UBE2D3: variants seen among roughly 807,000 people sequenced by gnomAD.
The protein encoded by UBE2D3 is ubiquitin-conjugating enzyme E2 D3.
In UBE2D3, 2 loss-of-function variants were observed where a neutral mutation model predicts 22.8. The ratio of observed to expected loss-of-function variants is 0.09; its 90% CI spans 0.04 to 0.28. The LOEUF (loss-of-function observed/expected upper bound fraction) is 0.28, where lower values mean the gene tolerates loss of function less well. UBE2D3 is among the 10% of genes least tolerant of loss of function. The pLI, the probability that UBE2D3 is intolerant of heterozygous loss-of-function variation, is 1.00. For missense variants in UBE2D3, 27 were observed against 182.5 expected (o/e 0.15, Z 4.91); for synonymous variants, 56 against 60.4 (o/e 0.93, Z 0.34).
Position 102,859,395 on chromosome 4 carries a change from T to G in UBE2D3, c.-129+9320A>C, listed in dbSNP as rs546457502. Among the ~76,000 whole-genome samples the G allele has an allele frequency of 5.6e-4, 85 of 152,096 alleles. 3 individuals are homozygous for G. In the South Asian group the frequency reaches 0.016, roughly 29 times the overall value. On this transcript the variant is annotated intron_variant, in intron 1 of 7. Transcript: ENST00000338145. ...GTGTCTCAGTGAAAAAATTTTCATA[T>G]CAGACAGGTAATGTGCCAGTGTTTT...
chr4:102,848,400 T>A (rs990501308), intron 1 of UBE2D3, among the ~76,000 whole-genome samples: 1 of 152,058 alleles, frequency 6.6e-6, no homozygotes, highest in African/African-American at 2.4e-5. Flanking sequence ...ATCCTAGCAC[T>A]TTGGGAGGCC....
Position 102,797,208 on chromosome 4 carries a change from G to C in UBE2D3, c.*207C>G. On this transcript the variant is annotated 3_prime_UTR_variant, in exon 8 of 8. Coordinates refer to ENST00000453744, the MANE Select transcript of UBE2D3 (RefSeq NM_181891.3). ...ACTGTTCTCTTGTAACTACTTTACA[G>C]TTTCTAAAAGCAGTTATTGTCCAAA... 4.4e-6 allele frequency: 2 copies of C among 452,064 alleles called. No homozygotes were observed. The highest frequency in any genetic ancestry group is 7.9e-6 in the Non-Finnish European group (2 of 252,270). The allele number at this position is 452,064 out of a possible 1,614,324, so 28.0% of individuals were successfully genotyped here.
At chr4:102,822,779 C>CA (rs1267073055) in intron 2 of UBE2D3, among the ~76,000 whole-genome samples, 1 of 152,106 alleles carries the variant, frequency 6.6e-6, no homozygotes, top group Admixed American at 6.5e-5. Context: ...ACTAAAAAAA[C>CA]AAAAAAATTA....
At chr4:102,808,290 T>C (rs1397585857) in intron 4 of UBE2D3, among the ~76,000 whole-genome samples, 1 of 152,216 alleles carries the variant, frequency 6.6e-6, no homozygotes, top group Non-Finnish European at 1.5e-5. Context: ...CTTTCAAAAA[T>C]ATCGTGTGGG....
intron 2 of UBE2D3, among the ~76,000 whole-genome samples, chr4:102,819,876 T>C (rs901055483): frequency 9.2e-5 from 14 of 152,262 alleles, no homozygotes; most frequent in African/African-American, 3.4e-4. Flanking sequence ...TTGTATTCTA[T>C]TTGAGAGTCT....
At chr4:102,850,376 C>T (rs1339610387) in intron 1 of UBE2D3, among the ~76,000 whole-genome samples, 8 of 152,052 alleles carry the variant, frequency 5.3e-5, no homozygotes, top group African/African-American at 1.9e-4. Context: ...AAGGGTGGTC[C>T]TTAAAAGATT....
chr4:102,804,610 T>C (rs1337898001), intron 4 of UBE2D3, among the ~76,000 whole-genome samples: 2 of 152,216 alleles, frequency 1.3e-5, no homozygotes, highest in African/African-American at 2.4e-5. Flanking sequence ...CCTGATCCAA[T>C]ACTATACAAG....
chr4:102,815,420 T>G (rs1299480889), intron 2 of UBE2D3, among the ~76,000 whole-genome samples: 1 of 152,156 alleles, frequency 6.6e-6, no homozygotes, highest in Non-Finnish European at 1.5e-5. Flanking sequence ...CAATACCCAA[T>G]AATGTTGGAA....
chr4:102,826,675 C>T, intron 1 of UBE2D3, 39 bp from the exon 2 acceptor site: 1 of 1,506,834 alleles, frequency 6.6e-7, no homozygotes, highest in Non-Finnish European at 8.8e-7. Context: ...TCGCACAGGC[C>T]CCGAAGAGCC....
At chr4:102,848,325 A>G (rs1451701858) in intron 1 of UBE2D3, among the ~76,000 whole-genome samples, 3 of 152,084 alleles carry the variant, frequency 2.0e-5, no homozygotes, top group Non-Finnish European at 4.4e-5. Context: ...AGCCTGGACA[A>G]TATAGTGAGA....
intron 1 of UBE2D3, among the ~76,000 whole-genome samples, chr4:102,842,135 T>G (rs748201539): frequency 4.6e-5 from 7 of 151,972 alleles, no homozygotes; most frequent in Non-Finnish European, 8.8e-5. Flanking sequence ...CCCTAAGTAA[T>G]AGTTATTACC....
chr4:102,826,802 G>A (rs985405697), intron 1 of UBE2D3, 166 bp from the exon 2 acceptor site: 14 of 1,248,500 alleles, frequency 1.1e-5, no homozygotes, highest in African/African-American at 1.6e-5. Flanking sequence ...CGAGGGTGAC[G>A]GGAAGAGCGG....
chr4:102,811,502 TA>T (rs1312443829), intron 2 of UBE2D3: 9 of 208,110 alleles, frequency 4.3e-5, no homozygotes, highest in Non-Finnish European at 6.9e-5. Flanking sequence ...GCTAACATGG[TA>T]AAACCCCATC....
chr4:102,817,403 A>G (rs770634193), intron 2 of UBE2D3, among the ~76,000 whole-genome samples: 7 of 152,206 alleles, frequency 4.6e-5, no homozygotes, highest in Non-Finnish European at 8.8e-5. Flanking sequence ...TTACGGAAAT[A>G]GAGCTCATCT....
At chr4:102,804,448 G>A (rs1450269295) in intron 4 of UBE2D3, among the ~76,000 whole-genome samples, 2 of 151,942 alleles carry the variant, frequency 1.3e-5, no homozygotes, top group Non-Finnish European at 1.5e-5. Flanking sequence ...ATCAGCCACC[G>A]TGCCCAGTCC....
intron 1 of UBE2D3, 34 bp downstream of exon 1, chr4:102,827,393 C>T (rs1730741706): frequency 3.0e-6 from 3 of 986,060 alleles, no homozygotes; most frequent in East Asian, 2.3e-4. Context: ...GCCGGCCTCC[C>T]TTCCCTGCCC....
intron 7 of UBE2D3, among the ~76,000 whole-genome samples, chr4:102,798,258 C>A: frequency 1.4e-5 from 1 of 70,782 alleles, no homozygotes; most frequent in Non-Finnish European, 2.7e-5. Context: ...CAACAAAAAA[C>A]AGTGATAACC....
At chr4:102,847,937 C>A (rs1732124496) in intron 1 of UBE2D3, among the ~76,000 whole-genome samples, 1 of 152,174 alleles carries the variant, frequency 6.6e-6, no homozygotes, top group African/African-American at 2.4e-5. Context: ...AGCCACCATG[C>A]CCCTTAACCC....
intron 1 of UBE2D3, among the ~76,000 whole-genome samples, chr4:102,833,031 AAT>A (rs1217172174): frequency 2.6e-5 from 4 of 152,178 alleles, no homozygotes; most frequent in Middle Eastern, 3.4e-3. Flanking sequence ...AGAAAAACAA[AAT>A]ATGATATTCT....
Sources: gnomAD v4.1 joint callset for allele counts (sites outside exome capture counted in the v4.1 genomes callset) on GRCh38, gnomAD v4.1.1 for gene constraint, MANE v1.5 for transcripts, NCBI Gene and HGNC (gene_info 2026-07-23, HGNC 2026-07-21) for gene names.